Variants in NECTIN3 observed in about 807,000 individuals in gnomAD.
The protein encoded by NECTIN3 is nectin-3.
NECTIN3 carries 8 observed loss-of-function variants against 49.4 expected under a neutral mutation model. That is an observed-to-expected ratio of 0.16 (90% CI 0.10 to 0.29). The LOEUF (loss-of-function observed/expected upper bound fraction) is 0.29. NECTIN3 is among the 10% of genes least tolerant of loss of function. NECTIN3 has a pLI of 1.00. For missense variants in NECTIN3, 581 were observed against 654.6 expected, an observed-to-expected ratio of 0.89 and a Z score of 1.23; for synonymous variants, 277 against 241.1, an observed-to-expected ratio of 1.15 and a Z score of -1.38.
At position 111,133,723 on chromosome 3, in the gene NECTIN3, A is replaced by G. The variant is rs760410239; in HGVS notation, c.1158A>G (p.Lys386=). The G allele has an allele frequency of 2.5e-6, 4 of 1,613,922 alleles. No homozygotes were observed. Among genetic ancestry groups the G allele is most frequent in the Non-Finnish European group, 3.4e-6 (4 of 1,179,862 alleles). ...AGGATCTAGCAACAGAACCTAAAAA[A>G]TTGCCCTTCCCATTGTCAACTTTGG... ...DIEDLATEPK[K]LPFPLSTLAT... is the part of the protein sequence containing the mutation. The change falls in exon 6 of 6, where the codon AAA becomes AAG. Residue 386 remains lysine (K), a synonymous_variant. Transcript: ENST00000485303.
At chr3:111,125,770 A>T (rs1003954503) in intron 4 of NECTIN3, among the ~76,000 whole-genome samples, 1 of 152,208 alleles carries the variant, frequency 6.6e-6, no homozygotes, top group African/African-American at 2.4e-5. Context: ...AAGTGAGATG[A>T]CTTTGCATGA....
At chr3:111,117,542 A>G (rs1299302332) in intron 2 of NECTIN3, among the ~76,000 whole-genome samples, 1 of 152,110 alleles carries the variant, frequency 6.6e-6, no homozygotes, top group Non-Finnish European at 1.5e-5. Context: ...ACAGTAATGC[A>G]TCTTATGAAA....
intron 1 of NECTIN3, among the ~76,000 whole-genome samples, chr3:111,087,705 T>A (rs927960444): frequency 2.0e-5 from 3 of 151,796 alleles, no homozygotes; most frequent in Non-Finnish European, 4.4e-5. Flanking sequence ...TTTTTTTTTT[T>A]AATTTTATTT....
chr3:111,147,292 C>G (rs2034895921), intron 6 of NECTIN3: 3 of 748,498 alleles, frequency 4.0e-6, no homozygotes, highest in Non-Finnish European at 6.4e-6. Flanking sequence ...TAAATATTAT[C>G]TATATAATAT....
chr3:111,099,156 T>C (rs2032759652), intron 1 of NECTIN3, among the ~76,000 whole-genome samples: 1 of 152,196 alleles, frequency 6.6e-6, no homozygotes, highest in Non-Finnish European at 1.5e-5. Flanking sequence ...ACTGATCTCC[T>C]ACAGCTTACA....
At chr3:111,100,131 A>G (rs1382671437) in intron 1 of NECTIN3, among the ~76,000 whole-genome samples, 2 of 152,002 alleles carry the variant, frequency 1.3e-5, no homozygotes, top group African/African-American at 2.4e-5. Flanking sequence ...AGCCCTATGT[A>G]ATTGTTTAGA....
At chr3:111,146,433 C>CAA (rs530786189) in intron 6 of NECTIN3, among the ~76,000 whole-genome samples, 688 of 58,228 alleles carry the variant, frequency 0.012, 4 homozygotes, top group Non-Finnish European at 0.021. Context: ...GACTCCGTCT[C>CAA]AAAAAAAAAA....
chr3:111,187,940 A>C (rs1247029363), upstream of NECTIN3, among the ~76,000 whole-genome samples: 2 of 152,202 alleles, frequency 1.3e-5, no homozygotes, highest in Non-Finnish European at 1.5e-5. Flanking sequence ...TATAAACTTT[A>C]GGTGATGATG....
intron 7 of NECTIN3, among the ~76,000 whole-genome samples, chr3:111,176,475 G>A (rs910829756): frequency 5.9e-5 from 9 of 152,152 alleles, no homozygotes; most frequent in African/African-American, 9.7e-5. Context: ...GGGGGGAAAT[G>A]CCAAATTGAG....
intron 1 of NECTIN3, among the ~76,000 whole-genome samples, chr3:111,085,629 C>T (rs1442210158): frequency 2.0e-5 from 3 of 152,070 alleles, no homozygotes; most frequent in African/African-American, 7.2e-5. Flanking sequence ...ATTAGTTTTT[C>T]CTGTTTTTGA....
intron 1 of NECTIN3, among the ~76,000 whole-genome samples, chr3:111,079,941 C>A (rs1306636680): frequency 6.6e-6 from 1 of 151,944 alleles, no homozygotes; most frequent in African/African-American, 2.4e-5. Flanking sequence ...ATTGAAATAA[C>A]AGTAAGGGAA....
chr3:111,104,428 C>T (rs1220011100), intron 1 of NECTIN3, among the ~76,000 whole-genome samples: 2 of 146,912 alleles, frequency 1.4e-5, no homozygotes, highest in Non-Finnish European at 3.0e-5. Context: ...TCAAGCGATT[C>T]TTCCATCTCA....
At chr3:111,125,674 T>C (rs1051089241) in intron 4 of NECTIN3, among the ~76,000 whole-genome samples, 2 of 152,168 alleles carry the variant, frequency 1.3e-5, no homozygotes, top group African/African-American at 4.8e-5. Flanking sequence ...GAAACTATCT[T>C]TGGATAGAGC....
intron 7 of NECTIN3, among the ~76,000 whole-genome samples, chr3:111,181,848 T>C (rs1378812103): frequency 1.3e-5 from 2 of 152,086 alleles, no homozygotes; most frequent in Non-Finnish European, 2.9e-5. Flanking sequence ...CTCCATTGTT[T>C]GTGTGTTTGT....
intron 1 of NECTIN3, among the ~76,000 whole-genome samples, chr3:111,083,681 A>C (rs1433333538): frequency 6.6e-6 from 1 of 152,178 alleles, no homozygotes; most frequent in Non-Finnish European, 1.5e-5. Context: ...AACATCAGAA[A>C]CTTGACCCCG....
chr3:111,193,636 T>C (rs924551001), intron 1 of NECTIN3: 3 of 456,652 alleles, frequency 6.6e-6, no homozygotes, highest in African/African-American at 5.8e-5. Context: ...CTGCTAACAT[T>C]TGGCCTACAA....
intron 7 of NECTIN3, among the ~76,000 whole-genome samples, chr3:111,182,672 G>A (rs969352631): frequency 6.6e-6 from 1 of 151,140 alleles, no homozygotes. Context: ...TTTATGATTT[G>A]TGTATAGTGT....
intron 1 of NECTIN3, among the ~76,000 whole-genome samples, chr3:111,088,375 GA>G (rs1228030402): frequency 6.6e-6 from 1 of 152,072 alleles, no homozygotes; most frequent in African/African-American, 2.4e-5. Context: ...TCAGAATTGT[GA>G]GCTAAATAAA....
intron 1 of NECTIN3, among the ~76,000 whole-genome samples, chr3:111,106,822 A>G (rs1015070222): frequency 6.6e-6 from 1 of 152,194 alleles, no homozygotes; most frequent in Non-Finnish European, 1.5e-5. Context: ...ACAGACTAAA[A>G]TAAATGTTTC....
Sources: allele counts gnomAD v4.1 joint callset (sites outside exome capture counted in the v4.1 genomes callset), GRCh38; gene constraint gnomAD v4.1.1; transcripts MANE v1.5; gene names NCBI Gene and HGNC (gene_info 2026-07-23, HGNC 2026-07-21).